Variants in RNF17 observed in about 807,000 individuals in gnomAD.
RNF17 encodes spermatogenesis associated 23.
Under a neutral mutation model 200.5 loss-of-function variants are expected in RNF17, and 31 were observed. The observed-to-expected ratio is 0.15, with a 90% CI of 0.12 to 0.21. RNF17 has a LOEUF of 0.21. Among genes scored for constraint, RNF17 ranks in the 10% least tolerant of loss-of-function variants. RNF17 has a pLI of 1.00. For synonymous variants in RNF17, 606 were observed against 637.8 expected, an observed-to-expected ratio of 0.95 and a Z score of 0.75; for missense variants, 1,628 against 1,905.1, an observed-to-expected ratio of 0.85 and a Z score of 2.71.
At chr13:24,834,968 T>G (rs1889809664) in intron 18 of RNF17, among the ~76,000 whole-genome samples, 1 of 152,172 alleles carries the variant, frequency 6.6e-6, no homozygotes, top group African/African-American at 2.4e-5. Context: ...GGACACAGAC[T>G]TGGGGCTGAT....
At chr13:24,884,067 A>C, downstream of RNF17, 10 of 1,612,080 alleles carry the variant, frequency 6.2e-6, no homozygotes, top group Non-Finnish European at 8.5e-6. Flanking sequence ...CTTTTCTTCC[A>C]TCTGGGTAAT....
At chr13:24,858,685 A>G (rs532787349) in intron 25 of RNF17, among the ~76,000 whole-genome samples, 3 of 152,042 alleles carry the variant, frequency 2.0e-5, no homozygotes, top group East Asian at 3.9e-4. Flanking sequence ...CTAAGCAACA[A>G]GTAGTATATA....
Position 24,864,916 on chromosome 13 carries a change from A to C in RNF17, c.4019A>C (p.Tyr1340Ser). The C allele has an allele frequency of 6.4e-7, 1 of 1,564,434 alleles. No homozygotes were observed. Among genetic ancestry groups the C allele is most frequent in the Non-Finnish European group, 8.7e-7 (1 of 1,146,426 alleles). ...TGGGAGAAATTGTCTATTCACCTCTATTTTGATGGAATGTCACTTTCTTAT... is the reference window on the plus strand; with the variant it reads ...TGGGAGAAATTGTCTATTCACCTCTCTTTTGATGGAATGTCACTTTCTTAT... ...NPWEKLSIHL[Y>S]FDGMSLSYFM... Residue 1340 changes from tyrosine (Y) to serine (S), a missense_variant, in exon 29 of 36, where the codon TAT (tyrosine) becomes TCT (serine). Physicochemically the swap from Tyr to Ser is moderately radical, Grantham distance 144. This residue lies in a region of RNF17 where 609 missense variants were observed against 681.9 expected (regional missense o/e 0.89). Coordinates refer to ENST00000255324, the MANE Select transcript of RNF17 (RefSeq NM_031277.3).
At position 24,864,999 on chromosome 13, in the gene RNF17, G is replaced by A; in HGVS notation, c.4101+1G>A. 1 of 1,545,242 alleles carries A rather than the reference G, an allele frequency of 6.5e-7. No individual in the cohort carries two copies. ...ACATACTGAGGAGATGTTGAAAGAA[G>A]TAAGTGCACTATTTTTCTATAAAAA... On this transcript the variant is annotated splice_donor_variant, in intron 29 of 35. Coordinates refer to ENST00000255324, the MANE Select transcript of RNF17 (RefSeq NM_031277.3). LOFTEE classifies it high-confidence loss of function.
At chr13:24,853,823 T>TTA in intron 24 of RNF17, 32 bp from the exon 25 acceptor site, 1 of 1,479,532 alleles carries the variant, frequency 6.8e-7, no homozygotes, top group Non-Finnish European at 9.1e-7. Flanking sequence ...TATTTGCTTA[T>TTA]GTTTAGATGT....
intron 18 of RNF17, among the ~76,000 whole-genome samples, chr13:24,839,891 T>C (rs1566205403): frequency 6.6e-6 from 1 of 152,118 alleles, no homozygotes; most frequent in African/African-American, 2.4e-5. Flanking sequence ...TGGGACCTAA[T>C]TGAACTAAAG....
the RNF17 span, among the ~76,000 whole-genome samples, chr13:24,752,458 TC>T: frequency 6.6e-6 from 1 of 152,130 alleles, no homozygotes; most frequent in Admixed American, 6.5e-5. Flanking sequence ...GGACATTAGG[TC>T]CAAGAAAATG....
intron 13 of RNF17, among the ~76,000 whole-genome samples, chr13:24,800,800 A>G (rs1043970707): frequency 1.6e-4 from 25 of 152,212 alleles, no homozygotes; most frequent in African/African-American, 4.8e-4. Flanking sequence ...TTTGGAGTCA[A>G]CTATACAGAG....
intron 10 of RNF17, among the ~76,000 whole-genome samples, chr13:24,795,082 T>C (rs1211750188): frequency 6.6e-6 from 1 of 152,204 alleles, no homozygotes; most frequent in Non-Finnish European, 1.5e-5. Context: ...TTTATCTTTT[T>C]ACCCCACCCT....
chr13:24,865,749 C>A (rs965026131), intron 29 of RNF17, among the ~76,000 whole-genome samples: 9 of 152,024 alleles, frequency 5.9e-5, no homozygotes, highest in African/African-American at 2.2e-4. Context: ...CCAGCTTTTT[C>A]TTTAAAGCAG....
intron 33 of RNF17, among the ~76,000 whole-genome samples, chr13:24,874,869 T>A (rs1437687890): frequency 6.6e-6 from 1 of 152,188 alleles, no homozygotes; most frequent in Non-Finnish European, 1.5e-5. Flanking sequence ...TCTCACCCAG[T>A]CCCTAGTAAC....
At chr13:24,882,591 C>CAA (rs1485237529), downstream of RNF17, 6 of 153,636 alleles carry the variant, frequency 3.9e-5, no homozygotes, top group South Asian at 2.0e-4. Flanking sequence ...CATTACATTA[C>CAA]AAAGTCAGCC....
rs751671942 is a variant in RNF17 at position 24,781,893 on chromosome 13, T to C, written c.560T>C (p.Ile187Thr). The C allele has an allele frequency of 3.1e-6, 5 of 1,613,174 alleles. No homozygotes were observed. The highest frequency in any genetic ancestry group is 3.3e-5 in the Admixed American group (2 of 59,892). The change falls in exon 6 of 36, where the codon ATA becomes ACA. Residue 187 changes from isoleucine to threonine, a missense_variant. Ile to Thr is a moderately conservative substitution (Grantham distance 89, BLOSUM62 -1). This residue lies in a region of RNF17 where 502 missense variants were observed against 501.7 expected (regional missense o/e 1.00). Coordinates refer to ENST00000255324, the MANE Select transcript of RNF17 (RefSeq NM_031277.3). ...KQTIEERERV[I>T]EVVEKQFDQL... ...ACGATAGAGGAAAGAGAAAGAGTTATAGAAGTTGTGGAGAAACAGTTTGAC... is the reference window on the plus strand; with the variant it reads ...ACGATAGAGGAAAGAGAAAGAGTTACAGAAGTTGTGGAGAAACAGTTTGAC...
At chr13:24,881,969 T>C (rs770881552), downstream of RNF17, among the ~76,000 whole-genome samples, 3 of 9,040 alleles carry the variant, frequency 3.3e-4, no homozygotes, top group African/African-American at 8.0e-4. Context: ...CATCTAGATA[T>C]ATAGATACAT....
chr13:24,883,860 G>T (rs759776420), downstream of RNF17: 67 of 1,272,716 alleles, frequency 5.3e-5, no homozygotes, highest in Non-Finnish European at 7.4e-5. Flanking sequence ...CCCCTAATAT[G>T]GGTGTCACAT....
At chr13:24,816,885 T>C (rs972258703) in intron 15 of RNF17, among the ~76,000 whole-genome samples, 1 of 152,092 alleles carries the variant, frequency 6.6e-6, no homozygotes, top group African/African-American at 2.4e-5. Context: ...AGTATCCTCT[T>C]TTGATTTACT....
downstream of RNF17, chr13:24,883,877 A>C: frequency 6.6e-7 from 1 of 1,517,682 alleles, no homozygotes; most frequent in African/African-American, 1.4e-5. Flanking sequence ...ACATATCATC[A>C]GAAACGCAAG....
intron 22 of RNF17, 98 bp downstream of exon 22, chr13:24,845,177 A>G (rs918301274): frequency 1.5e-6 from 1 of 687,646 alleles, no homozygotes; most frequent in Non-Finnish European, 2.4e-6. Context: ...ATTTTCCTAA[A>G]ATCTAGTTAA....
At chr13:24,749,307 C>CTTTCTTTTTTTTTT in the RNF17 span, among the ~76,000 whole-genome samples, 1 of 108,032 alleles carries the variant, frequency 9.3e-6, no homozygotes, top group African/African-American at 3.5e-5. Flanking sequence ...TTCTTTCTTT[C>CTTTCTTTTTTTTTT]TTTTTTTTTT....
Sources: allele counts gnomAD v4.1 joint callset (sites outside exome capture counted in the v4.1 genomes callset), GRCh38; gene constraint gnomAD v4.1.1; regional missense constraint gnomAD v4.1.1; transcripts MANE v1.5; gene names NCBI Gene and HGNC (gene_info 2026-07-23, HGNC 2026-07-21).